Variants in TRABD2A observed in about 807,000 individuals in gnomAD.
TRABD2A encodes TraB domain containing 2A, also known as metalloprotease TIKI1.
Under a neutral mutation model 45.6 loss-of-function variants are expected in TRABD2A, and 43 were observed. The observed-to-expected ratio is 0.94, with a 90% confidence interval of 0.74 to 1.22. The LOEUF (loss-of-function observed/expected upper bound fraction) is 1.22, where lower values mean the gene tolerates loss of function less well. TRABD2A is among the 50% of genes most tolerant of loss of function. The probability of loss-of-function intolerance (pLI) is 0.00; values close to 1 mark genes in which losing one functional copy is unlikely to be tolerated. For missense variants in TRABD2A, 642 were observed against 652.4 expected (o/e 0.98, Z 0.17); for synonymous variants, 269 against 265.0 (o/e 1.02, Z -0.15).
chr2:84,854,430 C>A (rs1278006067), intron 2 of TRABD2A, among the ~76,000 whole-genome samples: 2 of 152,172 alleles, frequency 1.3e-5, no homozygotes, highest in Non-Finnish European at 2.9e-5. Flanking sequence ...TCTATTTATT[C>A]TTTACTACAA....
chr2:84,851,382 G>A (rs1559091832), intron 2 of TRABD2A, among the ~76,000 whole-genome samples: 3 of 152,216 alleles, frequency 2.0e-5, no homozygotes, highest in Admixed American at 2.0e-4. Context: ...TGTCACCTTG[G>A]TGAGAGTCTC....
At chr2:84,857,938 C>A (rs35929054) in intron 2 of TRABD2A, among the ~76,000 whole-genome samples, 1 of 152,196 alleles carries the variant, frequency 6.6e-6, no homozygotes, top group Non-Finnish European at 1.5e-5. Context: ...TGCAATGGCA[C>A]AATCATAGCT....
intron 1 of TRABD2A, among the ~76,000 whole-genome samples, chr2:84,876,752 C>G (rs935679061): frequency 6.6e-6 from 1 of 152,160 alleles, no homozygotes; most frequent in African/African-American, 2.4e-5. Flanking sequence ...TGCTGAGGAG[C>G]ACCACCTGAT....
rs1681007779 is a variant in TRABD2A at position 84,821,834 on chromosome 2, A to C, written c.*83T>G. On this transcript the variant is annotated 3_prime_UTR_variant, in exon 7 of 7. Transcript: ENST00000409520. The stretch of plus-strand genomic sequence containing the variant: ...CAGTCTCTTCTGGATTGGGCCCAAC[A>C]AGGCTAGACCAGAATGTGGAGTACA... 7.3e-7 allele frequency: 1 copy of C among 1,376,196 alleles called. No individual in the cohort carries two copies. Among genetic ancestry groups the C allele is most frequent in the Non-Finnish European group, 9.5e-7 (1 of 1,047,766 alleles). The allele number at this position is 1,376,196 out of a possible 1,614,324, so 85.2% of individuals were successfully genotyped here.
At chr2:84,853,180 G>A (rs900821641) in intron 2 of TRABD2A, among the ~76,000 whole-genome samples, 2 of 150,282 alleles carry the variant, frequency 1.3e-5, no homozygotes, top group African/African-American at 2.5e-5. Context: ...CCCACAGGGG[G>A]AAGACCATGC....
At chr2:84,835,379 C>CAAAATCTAG (rs1273829998) in intron 4 of TRABD2A, 1 of 151,552 alleles carries the variant, frequency 6.6e-6, no homozygotes, top group Non-Finnish European at 1.5e-5. Flanking sequence ...CTGGGAAGTC[C>CAAAATCTAG]AAAATCTAGG....
rs976841210 is a variant in TRABD2A at position 84,878,459 on chromosome 2, A to AGGTT, written c.108+2469_108+2472dup. 8.1e-4 allele frequency among the ~76,000 whole-genome samples: 122 copies of AGGTT among 150,756 alleles called. 1 individual carries two copies. Among genetic ancestry groups the AGGTT allele is most frequent in the African/African-American group, 2.9e-3 (118 of 40,804 alleles). ...AGAATCACTTGAACCCTGGAGGCAG[A>AGGTT]GGTTGCAGTGAGCCAATGTAGCATC... is the stretch of plus-strand genomic sequence containing the variant. On this transcript the variant is annotated intron_variant, in intron 1 of 6. Transcript: ENST00000409520.
intron 2 of TRABD2A, among the ~76,000 whole-genome samples, chr2:84,851,549 T>C (rs1682097177): frequency 6.6e-6 from 1 of 152,270 alleles, no homozygotes; most frequent in Non-Finnish European, 1.5e-5. Context: ...TTGTAAAATG[T>C]CTTGTAAGAC....
intron 2 of TRABD2A, among the ~76,000 whole-genome samples, chr2:84,859,892 G>A (rs1172489372): frequency 6.6e-6 from 1 of 152,088 alleles, no homozygotes; most frequent in Non-Finnish European, 1.5e-5. Flanking sequence ...GTAGGAAACT[G>A]GCAGTCCAAA....
At position 84,871,746 on chromosome 2, in the gene TRABD2A, A is replaced by C. The variant is rs2105410463; in HGVS notation, c.109-961T>G. ...GTGATCCGCCCACCTCAGCCTCCCA[A>C]AGTGCTGGAATTACAGGCGTGAGCC... On this transcript the variant is annotated intron_variant, in intron 1 of 6. Coordinates refer to ENST00000409520, the MANE Select transcript of TRABD2A (RefSeq NM_001277053.2). Among the ~76,000 whole-genome samples, 2 of 152,162 alleles carry C rather than the reference A, an allele frequency of 1.3e-5. 1 individual carries two copies. The highest frequency in any genetic ancestry group is 4.2e-4 in the South Asian group (2 of 4,808).
chr2:84,826,722 C>T (rs762778646), intron 5 of TRABD2A, among the ~76,000 whole-genome samples: 6 of 152,278 alleles, frequency 3.9e-5, no homozygotes, highest in Admixed American at 6.5e-5. Flanking sequence ...TTAGTAGAGA[C>T]GAGGTTTCAC....
intron 2 of TRABD2A, chr2:84,851,160 T>G (rs1682081402): frequency 6.6e-6 from 1 of 152,240 alleles, no homozygotes; most frequent in Admixed American, 6.5e-5. Context: ...AGGCCACTAG[T>G]GGAGGGTCCC....
chr2:84,854,275 G>A (rs1682197815), intron 2 of TRABD2A, among the ~76,000 whole-genome samples: 1 of 151,994 alleles, frequency 6.6e-6, no homozygotes. Flanking sequence ...TGGTATCCAA[G>A]TGGGTCTTGG....
At chr2:84,863,858 T>C (rs1013048042) in intron 2 of TRABD2A, among the ~76,000 whole-genome samples, 2 of 151,926 alleles carry the variant, frequency 1.3e-5, no homozygotes, top group African/African-American at 2.4e-5. Flanking sequence ...AAGGGAAGAG[T>C]TCTCTTTCAG....
intron 5 of TRABD2A, among the ~76,000 whole-genome samples, chr2:84,828,468 T>C (rs187789671): frequency 2.0e-5 from 3 of 152,262 alleles, no homozygotes; most frequent in Non-Finnish European, 4.4e-5. Flanking sequence ...ACTGCCCTGG[T>C]CCTCCTTGCC....
intron 2 of TRABD2A, chr2:84,843,557 A>G (rs975810245): frequency 1.3e-5 from 2 of 152,448 alleles, no homozygotes; most frequent in Admixed American, 1.3e-4. Context: ...AGGAACAGAA[A>G]TATATTTCTC....
intron 2 of TRABD2A, among the ~76,000 whole-genome samples, chr2:84,868,540 G>GTTAA (rs1487379782): frequency 6.8e-6 from 1 of 147,232 alleles, no homozygotes; most frequent in Non-Finnish European, 1.5e-5. Context: ...TAGTTAATTA[G>GTTAA]TTAATTAACT....
At chr2:84,880,882 C>A in intron 1 of TRABD2A, 50 bp downstream of exon 1, 1 of 1,552,150 alleles carries the variant, frequency 6.4e-7, no homozygotes, top group South Asian at 1.2e-5. Context: ...GGAAACCATC[C>A]CAAGGAGGTG....
intron 6 of TRABD2A, 67 bp downstream of exon 6, chr2:84,823,886 G>T: frequency 6.3e-7 from 1 of 1,583,352 alleles, no homozygotes; most frequent in East Asian, 2.3e-5. Context: ...CCAGTGTGAG[G>T]GGCATTCCTG....
Sources: gnomAD v4.1 joint callset for allele counts (sites outside exome capture counted in the v4.1 genomes callset) on GRCh38, gnomAD v4.1.1 for gene constraint, MANE v1.5 for transcripts, NCBI Gene and HGNC (gene_info 2026-07-23, HGNC 2026-07-21) for gene names.